Variants in EED observed in about 807,000 individuals in gnomAD.
EED encodes polycomb protein EED.
Under a neutral mutation model 61.0 loss-of-function variants are expected in EED, and 9 were observed. The observed-to-expected ratio is 0.15, with a 90% CI of 0.09 to 0.26. The LOEUF (loss-of-function observed/expected upper bound fraction) is 0.26, where lower values mean the gene tolerates loss of function less well. Among genes scored for constraint, EED ranks in the 10% least tolerant of loss-of-function variants. EED has a pLI of 1.00. For missense variants in EED, 315 were observed against 542.3 expected (o/e 0.58, Z 4.16); for synonymous variants, 187 against 174.4 (o/e 1.07, Z -0.57).
At chr11:86,263,260 T>C (rs934972040) in intron 6 of EED, among the ~76,000 whole-genome samples, 11 of 152,224 alleles carry the variant, frequency 7.2e-5, no homozygotes, top group African/African-American at 2.7e-4. Context: ...ATAAAGGCTC[T>C]GCCTGAAGCT....
chr11:86,278,181 C>CCT, intron 11 of EED, 190 bp downstream of exon 11: 1 of 1,321,456 alleles, frequency 7.6e-7, no homozygotes, highest in Non-Finnish European at 9.7e-7. Flanking sequence ...GGTGACAAGT[C>CCT]ATTTCTTGTT....
At chr11:86,263,009 T>C (rs1464210374) in intron 6 of EED, among the ~76,000 whole-genome samples, 2 of 152,080 alleles carry the variant, frequency 1.3e-5, no homozygotes, top group Non-Finnish European at 2.9e-5. Flanking sequence ...GGTCTCACTA[T>C]GTTACCCCGG....
At chr11:86,279,679 A>G (rs1946301483), downstream of EED, among the ~76,000 whole-genome samples, 1 of 152,182 alleles carries the variant, frequency 6.6e-6, no homozygotes, top group African/African-American at 2.4e-5. Flanking sequence ...AAATATGTAT[A>G]TTTTTAAAGT....
At chr11:86,263,195 C>T (rs1054218070) in intron 6 of EED, among the ~76,000 whole-genome samples, 2 of 152,160 alleles carry the variant, frequency 1.3e-5, no homozygotes, top group African/African-American at 2.4e-5. Context: ...CTGTCTGAGA[C>T]CAACATTGTT....
chr11:86,282,722 A>T (rs1358585232), downstream of EED, among the ~76,000 whole-genome samples: 1 of 152,176 alleles, frequency 6.6e-6, no homozygotes, highest in Non-Finnish European at 1.5e-5. Context: ...TAGATAGTAC[A>T]TATTTTAGGC....
At chr11:86,277,212 T>C (rs374746301) in intron 10 of EED, 74 bp downstream of exon 10, 5 of 1,377,262 alleles carry the variant, frequency 3.6e-6, no homozygotes. Flanking sequence ...TTTTCTGTTG[T>C]GTCCATGTTC....
At chr11:86,285,952 GA>G in the EED span, among the ~76,000 whole-genome samples, 1 of 152,062 alleles carries the variant, frequency 6.6e-6, no homozygotes, top group Non-Finnish European at 1.5e-5. Flanking sequence ...TGTGAAATTA[GA>G]AATTACAGAA....
intron 3 of EED, among the ~76,000 whole-genome samples, chr11:86,253,421 G>A (rs891921661): frequency 6.6e-6 from 1 of 152,202 alleles, no homozygotes; most frequent in Non-Finnish European, 1.5e-5. Flanking sequence ...AATTGGTATA[G>A]TTTGTGCTCC....
chr11:86,259,405 G>A (rs1222989881), intron 6 of EED, among the ~76,000 whole-genome samples: 3 of 152,012 alleles, frequency 2.0e-5, no homozygotes, highest in Non-Finnish European at 4.4e-5. Flanking sequence ...GTGCAGTGGT[G>A]TGATCATGGC....
chr11:86,262,347 T>C (rs991869553), intron 6 of EED, among the ~76,000 whole-genome samples: 1 of 152,272 alleles, frequency 6.6e-6, no homozygotes, highest in African/African-American at 2.4e-5. Context: ...ATATTTCTTC[T>C]GCCAGGTATT....
intron 7 of EED, 27 bp downstream of exon 7, chr11:86,264,290 C>G (rs1945917290): frequency 6.5e-7 from 1 of 1,548,598 alleles, no homozygotes; most frequent in Non-Finnish European, 8.9e-7. Context: ...AGGGCAATGA[C>G]TTTCAGGTTT....
chr11:86,268,685 A>T lies in EED; in HGVS notation c.966+124A>T, dbSNP rs995208001. ...CACTTTATGTAGTTTATTAAATTGAATGGCAGCTGGGAAGTTGCCTTTTTT... is the reference window on the plus strand; with the variant it reads ...CACTTTATGTAGTTTATTAAATTGATTGGCAGCTGGGAAGTTGCCTTTTTT... On this transcript the variant is annotated intron_variant, in intron 9 of 11. Transcript: ENST00000263360. The T allele has an allele frequency of 2.0e-5, 11 of 550,818 alleles. No individual in the cohort carries two copies. The South Asian group carries it at 4.6e-4, about 23-fold the overall frequency. The allele number at this position is 550,818 out of a possible 1,614,324, so 34.1% of individuals were successfully genotyped here.
At chr11:86,261,526 G>A (rs955043548) in intron 6 of EED, among the ~76,000 whole-genome samples, 1 of 152,214 alleles carries the variant, frequency 6.6e-6, no homozygotes, top group African/African-American at 2.4e-5. Flanking sequence ...GGGATTTGGG[G>A]GATGGCTTTT....
At chr11:86,280,609 A>G (rs1034200454), downstream of EED, among the ~76,000 whole-genome samples, 1 of 152,240 alleles carries the variant, frequency 6.6e-6, no homozygotes, top group Non-Finnish European at 1.5e-5. Context: ...GTATCAGGAA[A>G]TAGAAACCAA....
chr11:86,246,266 T>G (rs185020292), intron 1 of EED, among the ~76,000 whole-genome samples: 36 of 152,366 alleles, frequency 2.4e-4, no homozygotes, highest in South Asian at 1.7e-3. Flanking sequence ...CAACGAAGTA[T>G]CTTGACAATT....
intron 3 of EED, 134 bp from the exon 4 acceptor site, chr11:86,255,088 C>T: frequency 1.6e-6 from 1 of 610,110 alleles, no homozygotes; most frequent in Non-Finnish European, 2.8e-6. Flanking sequence ...TCTTTAAGCT[C>T]ACAGGAGGTA....
chr11:86,281,731 T>C (rs1156953506), downstream of EED, among the ~76,000 whole-genome samples: 1 of 152,230 alleles, frequency 6.6e-6, no homozygotes, highest in Non-Finnish European at 1.5e-5. Flanking sequence ...TAGCTGTCAC[T>C]GCACCCTCGA....
chr11:86,272,862 A>G (rs1486807251), intron 9 of EED, among the ~76,000 whole-genome samples: 1 of 152,052 alleles, frequency 6.6e-6, no homozygotes, highest in African/African-American at 2.4e-5. Context: ...TTTAAGCTTT[A>G]TATCAGTTAT....
chr11:86,273,241 T>G (rs1946157052), intron 9 of EED, among the ~76,000 whole-genome samples: 1 of 152,228 alleles, frequency 6.6e-6, no homozygotes, highest in African/African-American at 2.4e-5. Flanking sequence ...CAGGCTGGTC[T>G]TAAACTCCTG....
Sources: allele counts gnomAD v4.1 joint callset (sites outside exome capture counted in the v4.1 genomes callset), GRCh38; gene constraint gnomAD v4.1.1; transcripts MANE v1.5; gene names NCBI Gene and HGNC (gene_info 2026-07-23, HGNC 2026-07-21).